NRG2: variants seen among roughly 807,000 people sequenced by gnomAD.
NRG2 encodes pro-neuregulin-2, membrane-bound isoform.
In NRG2, 27 loss-of-function variants were observed where a neutral mutation model predicts 73.9. That is an observed-to-expected ratio of 0.37 (90% CI 0.27 to 0.50). NRG2 has a LOEUF of 0.50. NRG2 is among the 20% of genes least tolerant of loss of function. The pLI, the probability that NRG2 is intolerant of heterozygous loss-of-function variation, is 0.96. For synonymous variants in NRG2, 532 were observed against 541.0 expected, an observed-to-expected ratio of 0.98 and a Z score of 0.23; for missense variants, 1,126 against 1,210.1, an observed-to-expected ratio of 0.93 and a Z score of 1.03.
At chr5:139,994,300 C>G (rs1341770627) in intron 1 of NRG2, among the ~76,000 whole-genome samples, 1 of 152,204 alleles carries the variant, frequency 6.6e-6, no homozygotes, top group East Asian at 1.9e-4. Context: ...CACATGAATA[C>G]AAGAGCAAAC....
chr5:140,001,159 T>C (rs2126621637), intron 1 of NRG2, among the ~76,000 whole-genome samples: 1 of 152,272 alleles, frequency 6.6e-6, no homozygotes, highest in South Asian at 2.1e-4. Flanking sequence ...ATCCATACCA[T>C]TTATTAGCAC....
At position 139,852,657 on chromosome 5, in the gene NRG2, G is replaced by A. The variant is rs1376179805; in HGVS notation, c.1417-98C>T. On this transcript the variant is annotated intron_variant, in intron 7 of 9. Transcript: ENST00000361474. The surrounding 1 kb of genome is among the most constrained non-coding windows in gnomAD (Gnocchi z 4.4). ...AGTGATGAGCACTGACTGAGCTCCT[G>A]GTTGGGGAGACCCACTGTGTGAGAG... 5 of 1,527,920 alleles carry A rather than the reference G, an allele frequency of 3.3e-6. No individual in the cohort carries two copies. In the African/African-American group the frequency reaches 6.9e-5, roughly 21 times the overall value. 94.6% of individuals were successfully genotyped at this position (1,527,920 alleles called of 1,614,324 possible).
At chr5:139,975,743 G>A (rs1394773098) in intron 1 of NRG2, among the ~76,000 whole-genome samples, 1 of 152,182 alleles carries the variant, frequency 6.6e-6, no homozygotes, top group Non-Finnish European at 1.5e-5. Context: ...AGTTGGTGAA[G>A]CTCAATAGAT....
intron 1 of NRG2, among the ~76,000 whole-genome samples, chr5:139,905,508 C>G (rs1216312551): frequency 6.6e-6 from 1 of 152,204 alleles, no homozygotes. Flanking sequence ...CTGAAGCAGG[C>G]TTAGGACTCT....
intron 1 of NRG2, among the ~76,000 whole-genome samples, chr5:139,959,207 T>C (rs28584251): frequency 6.6e-6 from 1 of 152,174 alleles, no homozygotes. Flanking sequence ...TGTTTGTTTT[T>C]GTTTTTCTTT....
intron 1 of NRG2, among the ~76,000 whole-genome samples, chr5:140,041,124 C>T (rs878939527): frequency 1.3e-5 from 2 of 152,300 alleles, no homozygotes; most frequent in African/African-American, 4.8e-5. Context: ...AGCTGTTACA[C>T]ATATTTTGCT....
chr5:139,980,756 A>G (rs1756735987), intron 1 of NRG2, among the ~76,000 whole-genome samples: 1 of 152,182 alleles, frequency 6.6e-6, no homozygotes, highest in Non-Finnish European at 1.5e-5. Flanking sequence ...TTTTCCACCC[A>G]GTTTCCTTCC....
In NRG2 at chr5:139,868,077, G is replaced by A. The variant is rs916603564; in HGVS notation, c.1113-2452C>T. Among the ~76,000 whole-genome samples the A allele has an allele frequency of 2.0e-5, 3 of 152,166 alleles. No individual in the cohort carries two copies. Among genetic ancestry groups the A allele is most frequent in the South Asian group, 2.1e-4 (1 of 4,808 alleles). ...TATGGTCCTAACCTTCCTTCCTTGA[G>A]AAAATGTGCTCCCCGCTGGCTGAAC... On this transcript the variant is annotated intron_variant, in intron 4 of 9. Coordinates refer to ENST00000361474, the MANE Select transcript of NRG2 (RefSeq NM_004883.3). The surrounding 1 kb of genome is among the most constrained non-coding windows in gnomAD (Gnocchi z 4.2).
intron 1 of NRG2, among the ~76,000 whole-genome samples, chr5:139,922,269 C>T (rs1320870231): frequency 6.6e-6 from 1 of 151,934 alleles, no homozygotes; most frequent in East Asian, 1.9e-4. Context: ...AACAAAGACC[C>T]AGTTAAAAAA....
chr5:140,040,898 G>T lies in NRG2; in HGVS notation c.700+1472C>A, dbSNP rs563475727. 2.6e-5 allele frequency among the ~76,000 whole-genome samples: 4 copies of T among 152,218 alleles called. No homozygotes were observed. The South Asian group carries it at 8.3e-4, about 32-fold the overall frequency. Reference sequence around the variant, plus strand: ...ATATTCCTAAGGATAATGTCAGAGCGATAAACTGCTGTTATCCCCCAAAGT... The same window carrying T: ...ATATTCCTAAGGATAATGTCAGAGCTATAAACTGCTGTTATCCCCCAAAGT... On this transcript the variant is annotated intron_variant, in intron 1 of 9. Coordinates refer to ENST00000361474, the MANE Select transcript of NRG2 (RefSeq NM_004883.3).
At chr5:139,905,201 C>T (rs1252809148) in intron 1 of NRG2, among the ~76,000 whole-genome samples, 1 of 152,170 alleles carries the variant, frequency 6.6e-6, no homozygotes, top group South Asian at 2.1e-4. Context: ...GAGGTGAACT[C>T]AGACACTGAC....
rs1379023023 is a variant in NRG2 at position 139,847,515 on chromosome 5, C to T, written c.*402G>A. On this transcript the variant is annotated 3_prime_UTR_variant, in exon 10 of 10. Coordinates refer to ENST00000361474, the MANE Select transcript of NRG2 (RefSeq NM_004883.3). Reference sequence around the variant, plus strand: ...CCCTCGCCCCCAACAGAACCCGCACCTCTTCTCTCCCAGCTGTCACTCTCA... The same window carrying T: ...CCCTCGCCCCCAACAGAACCCGCACTTCTTCTCTCCCAGCTGTCACTCTCA... 1 of 152,926 alleles carries T rather than the reference C, an allele frequency of 6.5e-6. No homozygotes were observed. Among genetic ancestry groups the T allele is most frequent in the Non-Finnish European group, 1.4e-5 (1 of 69,538 alleles). 9.5% of individuals were successfully genotyped at this position (152,926 alleles called of 1,614,324 possible). A position where few individuals can be genotyped will look rare whatever the true frequency, so the allele number is the denominator to read the frequency against.
Position 139,851,936 on chromosome 5 carries a change from C to T in NRG2, c.1545-105G>A, listed in dbSNP as rs2127000656. The T allele has an allele frequency of 2.1e-6, 2 of 930,752 alleles. No individual in the cohort carries two copies. The highest frequency in any genetic ancestry group is 2.6e-5 in the East Asian group (1 of 38,192). The allele number at this position is 930,752 out of a possible 1,614,324, so 57.7% of individuals were successfully genotyped here. On this transcript the variant is annotated intron_variant, in intron 8 of 9. Coordinates refer to ENST00000361474, the MANE Select transcript of NRG2 (RefSeq NM_004883.3). This position sits in a 1 kb window ranked among gnomAD's most constrained non-coding sequence, Gnocchi z 4.2. ...TGGCTCTTCTTCCACCTCGAGCTCCCTTAGCTCAATGCCCTTCTCCACTCT... is the reference window on the plus strand; with the variant it reads ...TGGCTCTTCTTCCACCTCGAGCTCCTTTAGCTCAATGCCCTTCTCCACTCT...
At chr5:139,936,005 A>G (rs933321677) in intron 1 of NRG2, among the ~76,000 whole-genome samples, 2 of 151,806 alleles carry the variant, frequency 1.3e-5, no homozygotes, top group African/African-American at 4.8e-5. Context: ...AACATGACAA[A>G]TCAAAATTTG....
At chr5:139,908,721 C>T (rs990275012) in intron 1 of NRG2, among the ~76,000 whole-genome samples, 1 of 152,202 alleles carries the variant, frequency 6.6e-6, no homozygotes, top group Non-Finnish European at 1.5e-5. Context: ...AAAGCCCTCA[C>T]CCCTCAAGCC....
intron 1 of NRG2, among the ~76,000 whole-genome samples, chr5:139,959,850 T>A (rs985096218): frequency 2.2e-4 from 34 of 152,324 alleles, no homozygotes; most frequent in Non-Finnish European, 4.1e-4. Context: ...GGCAGCGTCC[T>A]GTCAAAGAGC....
At chr5:139,957,010 ACATCTGG>A (rs1754673930) in intron 1 of NRG2, among the ~76,000 whole-genome samples, 1 of 152,182 alleles carries the variant, frequency 6.6e-6, no homozygotes, top group Admixed American at 6.5e-5. Flanking sequence ...TTTGAAAGGA[ACATCTGG>A]CTGATTCCAG....
chr5:139,891,019 A>G (rs939724073), intron 1 of NRG2, among the ~76,000 whole-genome samples: 3 of 152,174 alleles, frequency 2.0e-5, no homozygotes, highest in Non-Finnish European at 4.4e-5. Context: ...ATCAGGTGCT[A>G]AAGTTTCCCC....
At chr5:139,985,116 G>A (rs1481912819) in intron 1 of NRG2, among the ~76,000 whole-genome samples, 1 of 152,004 alleles carries the variant, frequency 6.6e-6, no homozygotes, top group East Asian at 1.9e-4. Flanking sequence ...GAGGTAGATG[G>A]ATCACTTGAA....
Sources: allele counts gnomAD v4.1 joint callset (sites outside exome capture counted in the v4.1 genomes callset), GRCh38; gene constraint gnomAD v4.1.1; non-coding constraint Gnocchi (gnomAD v3.1); transcripts MANE v1.5; gene names NCBI Gene and HGNC (gene_info 2026-07-23, HGNC 2026-07-21).